GABRG3: variants seen among roughly 807,000 people sequenced by gnomAD.
GABRG3 encodes gamma-aminobutyric acid type A receptor subunit gamma3, also known as gamma-aminobutyric acid receptor subunit gamma-3.
In GABRG3, 25 loss-of-function variants were observed where a neutral mutation model predicts 48.8. The ratio of observed to expected loss-of-function variants is 0.51; its 90% CI spans 0.37 to 0.72. GABRG3 has a LOEUF of 0.72. Among genes scored for constraint, GABRG3 ranks in the 30% least tolerant of loss-of-function variants. GABRG3 has a pLI of 0.00. For synonymous variants in GABRG3, 227 were observed against 217.6 expected (o/e 1.04, Z -0.38); for missense variants, 394 against 577.9 (o/e 0.68, Z 3.26).
intron 2 of GABRG3, among the ~76,000 whole-genome samples, chr15:27,026,238 AT>A (rs1391145736): frequency 6.6e-6 from 1 of 152,138 alleles, no homozygotes; most frequent in African/African-American, 2.4e-5. Flanking sequence ...AATATTTCTC[AT>A]TTTTTATTGG....
At chr15:27,126,593 A>G (rs1339188069) in intron 3 of GABRG3, among the ~76,000 whole-genome samples, 2 of 152,168 alleles carry the variant, frequency 1.3e-5, no homozygotes, top group African/African-American at 4.8e-5. Context: ...AGGCCTGAGC[A>G]TTGAATGCTG....
intron 3 of GABRG3, among the ~76,000 whole-genome samples, chr15:27,196,794 C>T (rs1323794570): frequency 6.6e-6 from 1 of 152,166 alleles, no homozygotes; most frequent in Non-Finnish European, 1.5e-5. Context: ...AGCTCTTCCT[C>T]CTGAAATATG....
chr15:27,295,205 T>G (rs954735537), intron 3 of GABRG3: 3 of 152,232 alleles, frequency 2.0e-5, no homozygotes, highest in Non-Finnish European at 4.4e-5. Context: ...AGAGTAAGTT[T>G]TAAAATTAAA....
In GABRG3 at chr15:27,179,578, T is replaced by C. The variant is rs1258488664; in HGVS notation, c.271-147231T>C. On this transcript the variant is annotated intron_variant, in intron 3 of 9. Coordinates refer to ENST00000615808, the MANE Select transcript of GABRG3 (RefSeq NM_033223.5). This position sits in a 1 kb window ranked among gnomAD's most constrained non-coding sequence, Gnocchi z 4.0. ...AAGCAAGAACTACCCAAGTGAGCAG[T>C]TTCCAGTTTCAAATTGTTCAGAATT... 1.3e-5 allele frequency among the ~76,000 whole-genome samples: 2 copies of C among 152,196 alleles called. No homozygotes were observed. The highest frequency in any genetic ancestry group is 2.4e-5 in the African/African-American group (1 of 41,454).
chr15:27,003,942 C>T (rs1468954679), intron 2 of GABRG3, among the ~76,000 whole-genome samples: 1 of 143,650 alleles, frequency 7.0e-6, no homozygotes, highest in Non-Finnish European at 1.5e-5. Context: ...GCAGAGGCGC[C>T]CCTCACCTCC....
chr15:27,174,979 C>G (rs532591891), intron 3 of GABRG3, among the ~76,000 whole-genome samples: 2 of 152,152 alleles, frequency 1.3e-5, no homozygotes, highest in East Asian at 3.9e-4. Flanking sequence ...CTAGAACCTT[C>G]CATTGCTCTG....
intron 5 of GABRG3, among the ~76,000 whole-genome samples, chr15:27,461,278 AT>A (rs1208910071): frequency 6.6e-6 from 1 of 152,146 alleles, no homozygotes; most frequent in African/African-American, 2.4e-5. Context: ...CGTTATTTTT[AT>A]TACTTTTTTT....
chr15:27,295,326 G>A (rs964209540), intron 3 of GABRG3: 2 of 152,140 alleles, frequency 1.3e-5, no homozygotes, highest in Non-Finnish European at 2.9e-5. Flanking sequence ...ACTTTAATTG[G>A]TGTAAAGCCT....
At chr15:27,325,879 GACTCTGCAAAA>G (rs1893596186) in intron 3 of GABRG3, among the ~76,000 whole-genome samples, 2 of 152,174 alleles carry the variant, frequency 1.3e-5, no homozygotes, top group Non-Finnish European at 2.9e-5. Context: ...AAAAAATTCA[GACTCTGCAAAA>G]GTAATATGTT....
intron 3 of GABRG3, among the ~76,000 whole-genome samples, chr15:27,213,272 G>A (rs964605467): frequency 1.3e-5 from 2 of 152,168 alleles, no homozygotes; most frequent in African/African-American, 4.8e-5. Context: ...TCTCTTCATG[G>A]TTATGTCAAA....
intron 3 of GABRG3, among the ~76,000 whole-genome samples, chr15:27,307,060 CATGTAT>C (rs1892578193): frequency 8.7e-6 from 1 of 114,602 alleles, no homozygotes; most frequent in African/African-American, 4.2e-5. Context: ...TATATATAAA[CATGTAT>C]AATATAAACA....
intron 3 of GABRG3, among the ~76,000 whole-genome samples, chr15:27,205,710 T>G (rs1241995742): frequency 1.3e-5 from 2 of 151,812 alleles, no homozygotes; most frequent in African/African-American, 4.8e-5. Flanking sequence ...TCCCGGTTGG[T>G]AGGATTTTTT....
chr15:27,065,174 CT>C (rs1338221522), intron 3 of GABRG3, among the ~76,000 whole-genome samples: 1 of 152,140 alleles, frequency 6.6e-6, no homozygotes, highest in South Asian at 2.1e-4. Flanking sequence ...TGGCGGTCTA[CT>C]TTTTACTCAC....
intron 3 of GABRG3, among the ~76,000 whole-genome samples, chr15:27,088,878 C>T (rs962609291): frequency 1.3e-5 from 2 of 151,784 alleles, no homozygotes; most frequent in Non-Finnish European, 2.9e-5. Context: ...TGAAGGGAGA[C>T]GGGGTGAGCC....
chr15:27,083,974 C>T (rs970543021), intron 3 of GABRG3, among the ~76,000 whole-genome samples: 2 of 152,216 alleles, frequency 1.3e-5, no homozygotes, highest in African/African-American at 2.4e-5. Context: ...ACCACATCAT[C>T]CACAGCAAAA....
intron 3 of GABRG3, among the ~76,000 whole-genome samples, chr15:27,241,541 T>C (rs1318315518): frequency 6.6e-6 from 1 of 152,244 alleles, no homozygotes; most frequent in Non-Finnish European, 1.5e-5. Context: ...CAGCACACGC[T>C]CACATTTAGC....
chr15:27,454,932 G>A (rs377373379), intron 5 of GABRG3, among the ~76,000 whole-genome samples: 5 of 152,232 alleles, frequency 3.3e-5, no homozygotes, highest in East Asian at 1.9e-4. Flanking sequence ...CATGTTACAC[G>A]GTCATTATTC....
At chr15:27,514,303 G>A (rs1355661898) in intron 6 of GABRG3, among the ~76,000 whole-genome samples, 1 of 152,318 alleles carries the variant, frequency 6.6e-6, no homozygotes, top group East Asian at 1.9e-4. Context: ...AATTAGGTGT[G>A]GCTTAGCGGG....
At chr15:27,313,966 G>A (rs1284754479) in intron 3 of GABRG3, among the ~76,000 whole-genome samples, 1 of 151,234 alleles carries the variant, frequency 6.6e-6, no homozygotes, top group Non-Finnish European at 1.5e-5. Context: ...AGGAAATAAA[G>A]ATTAGAGGAT....
Sources: gnomAD v4.1 joint callset for allele counts (sites outside exome capture counted in the v4.1 genomes callset) on GRCh38, gnomAD v4.1.1 for gene constraint, Gnocchi (gnomAD v3.1) non-coding constraint, MANE v1.5 for transcripts, NCBI Gene and HGNC (gene_info 2026-07-23, HGNC 2026-07-21) for gene names.